IL20RA: variants seen among roughly 807,000 people sequenced by gnomAD.
IL20RA encodes interleukin 20 receptor subunit alpha, also known as interleukin-20 receptor subunit alpha.
In IL20RA, 29 loss-of-function variants were observed where a neutral mutation model predicts 36.5. The observed-to-expected ratio is 0.79, with a 90% CI of 0.59 to 1.08. The LOEUF is 1.08. Among genes scored for constraint, IL20RA ranks in the 50% least tolerant of loss-of-function variants. IL20RA has a pLI of 0.00. For missense variants in IL20RA, 652 were observed against 668.4 expected (o/e 0.98, Z 0.27); for synonymous variants, 279 against 267.1 (o/e 1.04, Z -0.43).
chr6:137,018,549 T>TGTGTGTGTGTG, intron 1 of IL20RA, among the ~76,000 whole-genome samples: 1 of 148,856 alleles, frequency 6.7e-6, no homozygotes, highest in East Asian at 2.0e-4. Flanking sequence ...TGTGTGTGTG[T>TGTGTGTGTGTG]TAGGGGTAGG....
intron 1 of IL20RA, among the ~76,000 whole-genome samples, chr6:137,023,123 G>A (rs916898832): frequency 3.3e-5 from 5 of 152,144 alleles, no homozygotes; most frequent in Non-Finnish European, 5.9e-5. Context: ...AGTAGGAAGA[G>A]AGACATCATT....
chr6:137,012,254 C>A (rs944997155), intron 2 of IL20RA, among the ~76,000 whole-genome samples: 1 of 151,914 alleles, frequency 6.6e-6, no homozygotes, highest in Non-Finnish European at 1.5e-5. Context: ...AGGACAGGGG[C>A]AGTAGGATAA....
intron 2 of IL20RA, among the ~76,000 whole-genome samples, chr6:137,012,116 CAT>C (rs1775522986): frequency 6.6e-6 from 1 of 151,996 alleles, no homozygotes; most frequent in Non-Finnish European, 1.5e-5. Flanking sequence ...GTTCAGGTAA[CAT>C]GTGATAAGCC....
intron 1 of IL20RA, among the ~76,000 whole-genome samples, chr6:137,037,630 C>T (rs1265309228): frequency 2.0e-5 from 3 of 152,132 alleles, no homozygotes; most frequent in African/African-American, 4.8e-5. Flanking sequence ...GTAAATGAAC[C>T]TTCCAAGGTT....
chr6:137,008,450 C>T, intron 5 of IL20RA, 149 bp downstream of exon 5: 1 of 743,824 alleles, frequency 1.3e-6, no homozygotes. Context: ...CAGGCTGCTC[C>T]ACGCATTTCT....
chr6:137,037,696 C>T (rs1315258834), intron 1 of IL20RA, among the ~76,000 whole-genome samples: 2 of 151,980 alleles, frequency 1.3e-5, no homozygotes, highest in Admixed American at 1.3e-4. Context: ...GGAAGTCAGC[C>T]CGAGATATTG....
In IL20RA at chr6:137,001,575, C is replaced by T. The variant is rs1293557392; in HGVS notation, c.1645G>A (p.Val549Met). 3 of 1,567,028 alleles carry T rather than the reference C, an allele frequency of 1.9e-6. No individual in the cohort carries two copies. The African/African-American group carries it at 4.1e-5, about 21-fold the overall frequency. The change falls in exon 7 of 7, where the codon GTG becomes ATG. Residue 549 changes from valine to methionine, a missense_variant. Val to Met is a conservative substitution (Grantham distance 21, BLOSUM62 1). Coordinates refer to ENST00000316649, the MANE Select transcript of IL20RA (RefSeq NM_014432.4). ...MQFMEEWGLY[V>M]QMEN ...TGTTGGCATCAGTTTTCCATCTGCACATATAACCCCCATTCCTCCATGAAT... is the reference window on the plus strand; with the variant it reads ...TGTTGGCATCAGTTTTCCATCTGCATATATAACCCCCATTCCTCCATGAAT...
At chr6:137,036,575 T>C (rs929137427) in intron 1 of IL20RA, among the ~76,000 whole-genome samples, 2 of 151,986 alleles carry the variant, frequency 1.3e-5, no homozygotes, top group African/African-American at 4.8e-5. Context: ...CAGGGAGAGA[T>C]CAGGGTGTTG....
chr6:137,039,677 C>T (rs566612343), intron 1 of IL20RA, among the ~76,000 whole-genome samples: 10 of 152,126 alleles, frequency 6.6e-5, no homozygotes, highest in African/African-American at 1.4e-4. Context: ...AGTACAACAT[C>T]GTAATCACAT....
chr6:137,031,832 A>G (rs1776295700), intron 1 of IL20RA, among the ~76,000 whole-genome samples: 1 of 152,156 alleles, frequency 6.6e-6, no homozygotes, highest in Non-Finnish European at 1.5e-5. Flanking sequence ...AGGTTGGCAG[A>G]TCACTTAAGG....
At chr6:137,006,671 A>G (rs550777461) in intron 5 of IL20RA, among the ~76,000 whole-genome samples, 7 of 152,220 alleles carry the variant, frequency 4.6e-5, no homozygotes, top group African/African-American at 1.7e-4. Context: ...AACAGCTGGG[A>G]TAGCACGGGT....
chr6:137,028,543 A>G (rs575330331), intron 1 of IL20RA, among the ~76,000 whole-genome samples: 2 of 152,284 alleles, frequency 1.3e-5, no homozygotes, highest in South Asian at 4.1e-4. Flanking sequence ...TATATGGATG[A>G]GCAATACATA....
intron 1 of IL20RA, among the ~76,000 whole-genome samples, chr6:137,034,944 C>T (rs1014412686): frequency 2.9e-5 from 3 of 104,176 alleles, no homozygotes. Context: ...GACTCCATCT[C>T]AGAAAAAAAA....
chr6:137,028,921 G>A (rs2115410544), intron 1 of IL20RA, among the ~76,000 whole-genome samples: 1 of 152,150 alleles, frequency 6.6e-6, no homozygotes, highest in Admixed American at 6.5e-5. Context: ...GCATTTCCCA[G>A]CCTGATCACC....
intron 5 of IL20RA, among the ~76,000 whole-genome samples, chr6:137,007,288 A>G (rs1456799085): frequency 6.6e-6 from 1 of 152,254 alleles, no homozygotes; most frequent in African/African-American, 2.4e-5. Context: ...AAGAAAAGCT[A>G]TGATAAAGAC....
At chr6:137,014,885 G>A (rs1775624802) in intron 2 of IL20RA, among the ~76,000 whole-genome samples, 1 of 152,050 alleles carries the variant, frequency 6.6e-6, no homozygotes, top group Non-Finnish European at 1.5e-5. Flanking sequence ...CTGTTAGCTG[G>A]AGGTCGTCTT....
chr6:137,006,550 G>A (rs1775288101), intron 5 of IL20RA, among the ~76,000 whole-genome samples: 1 of 152,066 alleles, frequency 6.6e-6, no homozygotes, highest in Non-Finnish European at 1.5e-5. Context: ...TAGGGATGGG[G>A]GACGAGAGAG....
intron 1 of IL20RA, among the ~76,000 whole-genome samples, chr6:137,033,633 T>C (rs1776375687): frequency 6.6e-6 from 1 of 152,228 alleles, no homozygotes; most frequent in Non-Finnish European, 1.5e-5. Context: ...TTCCGCCTTC[T>C]GCCATGATTG....
Position 137,010,186 on chromosome 6 carries a change from G to C in IL20RA, c.404-694C>G, listed in dbSNP as rs138978591. On this transcript the variant is annotated intron_variant, in intron 3 of 6. Transcript: ENST00000316649. ...AAGTGGAAAATCAGAGATGTGATTA[G>C]AATGATCTAGAACAGAGACCAGGCG... Among the ~76,000 whole-genome samples, 705 of 152,338 alleles carry C rather than the reference G, an allele frequency of 4.6e-3. 6 individuals carry two copies. Among genetic ancestry groups the C allele is most frequent in the African/African-American group, 0.016 (680 of 41,578 alleles).
Sources: gnomAD v4.1 joint callset for allele counts (sites outside exome capture counted in the v4.1 genomes callset) on GRCh38, gnomAD v4.1.1 for gene constraint, MANE v1.5 for transcripts, NCBI Gene and HGNC (gene_info 2026-07-23, HGNC 2026-07-21) for gene names.